The following MAP7D2 variants were observed in gnomAD, a reference collection of about 807,000 sequenced individuals.
MAP7D2 encodes MAP7 domain-containing protein 2.
A neutral mutation model predicts 63.5 loss-of-function variants in MAP7D2; 33 were observed. That is an observed-to-expected ratio of 0.52 (90% CI 0.39 to 0.70). The LOEUF is 0.70. Among genes scored for constraint, MAP7D2 ranks in the 30% least tolerant of loss-of-function variants. The probability of loss-of-function intolerance (pLI) is 0.00; values close to 1 mark genes in which losing one functional copy is unlikely to be tolerated. For missense variants in MAP7D2, 626 were observed against 604.0 expected, an observed-to-expected ratio of 1.04 and a Z score of -0.38; for synonymous variants, 224 against 223.7, an observed-to-expected ratio of 1.00 and a Z score of -0.01.
intron 1 of MAP7D2, among the ~76,000 whole-genome samples, chrX:20,090,339 G>C (rs1443958740): frequency 1.1e-5 from 1 of 87,209 alleles, no homozygotes; most frequent in African/African-American, 4.5e-5. Flanking sequence ...ACTCCAGCCT[G>C]GGCGACAGAG....
intron 1 of MAP7D2, among the ~76,000 whole-genome samples, chrX:20,103,836 C>T (rs190879196): frequency 9.0e-6 from 1 of 111,613 alleles, no homozygotes; most frequent in East Asian, 2.8e-4. Context: ...CATGTCTTAT[C>T]TCTGCTTGAA....
chrX:20,096,081 CAAAAAAAAAAAAA>C (rs1208579984), intron 1 of MAP7D2, among the ~76,000 whole-genome samples: 1 of 14,902 alleles, frequency 6.7e-5, no homozygotes, highest in African/African-American at 2.6e-4. Context: ...GACTCTTCCT[CAAAAAAAAAAAAA>C]AAAAAAAAAA....
Position 20,010,951 on chromosome X carries a change from C to A in MAP7D2, c.2174G>T (p.Arg725Leu), listed in dbSNP as rs761523374. ...SLDQNGTGNA[R>L]ALQDLLDFTG... ...GAAATCTAAGAGATCTTGAAGTGCT[C>A]GGGCATTACCAGTTCCATTTTGGTC... Residue 725 changes from arginine to leucine, a missense_variant, in exon 16 of 17, where the codon CGA becomes CTA. By Grantham distance (102) the Arg-to-Leu change is moderately radical. Transcript: ENST00000379643. 1 of 1,208,896 alleles carries A rather than the reference C, an allele frequency of 8.3e-7. No homozygotes were observed. Among genetic ancestry groups the A allele is most frequent in the African/African-American group, 1.8e-5 (1 of 56,793 alleles).
rs142233087 is a variant in MAP7D2, at chrX:20,039,236, A to G, written c.1007+3266T>C. 5.2e-3 allele frequency among the ~76,000 whole-genome samples: 582 copies of G among 112,613 alleles called. 2 individuals carry two copies. Among genetic ancestry groups the G allele is most frequent in the Non-Finnish European group, 6.5e-3 (349 of 53,299 alleles). ...CTGGATATAGGTTTGTCTATCCTGC[A>G]TGCAATGCTTCTGCCAAGACTACCA... On this transcript the variant is annotated intron_variant, in intron 8 of 16. Transcript: ENST00000379643.
chrX:20,095,190 T>G (rs1047480367), intron 1 of MAP7D2, among the ~76,000 whole-genome samples: 1 of 112,001 alleles, frequency 8.9e-6, no homozygotes, highest in Non-Finnish European at 1.9e-5. Context: ...GTGAGTTATA[T>G]CTCAACAATG....
intron 8 of MAP7D2, among the ~76,000 whole-genome samples, chrX:20,031,031 C>T (rs975972257): frequency 2.8e-4 from 31 of 112,113 alleles, no homozygotes; most frequent in Admixed American, 2.8e-3. Context: ...TGGCTCACGC[C>T]TGTAATCCCA....
At chrX:20,043,514 C>T (rs1334603565) in intron 7 of MAP7D2, among the ~76,000 whole-genome samples, 3 of 110,961 alleles carry the variant, frequency 2.7e-5, no homozygotes, top group Non-Finnish European at 5.7e-5. Flanking sequence ...AGTGAGGAAC[C>T]GAGGCCTCCT....
intron 1 of MAP7D2, among the ~76,000 whole-genome samples, chrX:20,084,625 C>G (rs2065864829): frequency 9.9e-6 from 1 of 101,410 alleles, no homozygotes; most frequent in Non-Finnish European, 2.0e-5. Context: ...CTGGAGTGCA[C>G]TGGCACAATC....
intron 3 of MAP7D2, among the ~76,000 whole-genome samples, chrX:20,057,533 T>A (rs777085022): frequency 9.0e-6 from 1 of 111,382 alleles, no homozygotes; most frequent in Non-Finnish European, 1.9e-5. Flanking sequence ...TCAAAAACAC[T>A]CTCCTGTATT....
intron 8 of MAP7D2, among the ~76,000 whole-genome samples, chrX:20,039,741 C>T (rs1310165161): frequency 9.0e-6 from 1 of 111,221 alleles, no homozygotes; most frequent in Non-Finnish European, 1.9e-5. Context: ...TGGCTCACAC[C>T]TGTAATCCCA....
chrX:20,101,455 C>T (rs956402053), intron 1 of MAP7D2, among the ~76,000 whole-genome samples: 2 of 112,111 alleles, frequency 1.8e-5, no homozygotes, highest in East Asian at 5.5e-4. Flanking sequence ...CATTTTATCT[C>T]GCAGAATGGA....
chrX:20,040,401 T>C (rs1223687656), intron 8 of MAP7D2, among the ~76,000 whole-genome samples: 3 of 112,135 alleles, frequency 2.7e-5, no homozygotes, highest in African/African-American at 9.7e-5. Context: ...AGTAGCACTT[T>C]TAATTTCCTT....
At position 20,056,901 on chromosome X, in the gene MAP7D2, C is replaced by T. The variant is rs1390808947; in HGVS notation, c.373-110G>A. The T allele has an allele frequency of 3.0e-6, 2 of 676,463 alleles. 1 individual carries two copies. Among genetic ancestry groups the T allele is most frequent in the East Asian group, 7.0e-5 (2 of 28,419 alleles). 55.7% of individuals were successfully genotyped at this position (676,463 alleles called of 1,213,427 possible). On this transcript the variant is annotated intron_variant, in intron 3 of 16. Coordinates refer to ENST00000379643, the MANE Select transcript of MAP7D2 (RefSeq NM_001168465.2). ...GTCACCAAATGGGGCTTTCTGTGCT[C>T]AGCATCCAAAACCCAGGCATACGTG...
At chrX:20,083,715 A>T (rs1268021295) in intron 1 of MAP7D2, among the ~76,000 whole-genome samples, 2 of 112,086 alleles carry the variant, frequency 1.8e-5, no homozygotes, top group East Asian at 5.6e-4. Flanking sequence ...CTTTAAAAAT[A>T]GCAAGCTACA....
At position 20,016,148 on chromosome X, in the gene MAP7D2, C is replaced by T; in HGVS notation, c.1590G>A (p.Leu530=). The change falls in exon 11 of 17, where the codon TTG becomes TTA. Residue 530 remains leucine (L), a synonymous_variant. Transcript: ENST00000379643. Reference sequence around the variant, plus strand: ...TTTCTTGTTCTTGCTTTTCTTTCAACAACAGCTCCTCCTCAGCCTTCCGCT... The same window carrying T: ...TTTCTTGTTCTTGCTTTTCTTTCAATAACAGCTCCTCCTCAGCCTTCCGCT... ...EAKRKAEEEL[L]LKEKQEQEKQ... is the part of the protein sequence containing the mutation. The T allele has an allele frequency of 8.3e-7, 1 of 1,204,052 alleles. No homozygotes were observed. Among genetic ancestry groups the T allele is most frequent in the East Asian group, 3.0e-5 (1 of 33,524 alleles).
In MAP7D2 at chrX:20,059,995, T is replaced by C. The variant is rs184026308; in HGVS notation, c.373-3204A>G. Among the ~76,000 whole-genome samples the C allele has an allele frequency of 1.5e-3, 165 of 109,800 alleles. 2 individuals carry two copies. In the East Asian group the frequency reaches 0.045, roughly 30 times the overall value. On this transcript the variant is annotated intron_variant, in intron 3 of 16. Coordinates refer to ENST00000379643, the MANE Select transcript of MAP7D2 (RefSeq NM_001168465.2). ...AGGAATGGGTGGTAGGGGGTGGCTG[T>C]GCCTTTTCAACTGCCATTATATGTG...
chrX:20,053,351 A>T (rs1361126419), intron 4 of MAP7D2, among the ~76,000 whole-genome samples: 1 of 112,026 alleles, frequency 8.9e-6, no homozygotes, highest in African/African-American at 3.2e-5. Context: ...ACCAACTTGG[A>T]CCCAGAGACA....
intron 1 of MAP7D2, among the ~76,000 whole-genome samples, chrX:20,096,942 G>A (rs992595070): frequency 4.5e-5 from 5 of 111,885 alleles, no homozygotes; most frequent in Middle Eastern, 4.7e-3. Context: ...AATTGCATTA[G>A]TTGATGAGAT....
intron 1 of MAP7D2, among the ~76,000 whole-genome samples, chrX:20,106,113 G>C (rs193238628): frequency 1.8e-5 from 2 of 112,227 alleles, no homozygotes; most frequent in African/African-American, 6.5e-5. Context: ...ACTTCTTAAA[G>C]GTCCCATCTC....
Sources: gnomAD v4.1 joint callset for allele counts (sites outside exome capture counted in the v4.1 genomes callset) on GRCh38, gnomAD v4.1.1 for gene constraint, MANE v1.5 for transcripts, NCBI Gene and HGNC (gene_info 2026-07-23, HGNC 2026-07-21) for gene names.